The following PTER variants were observed in gnomAD, a reference collection of about 807,000 sequenced individuals.
PTER encodes the protein phosphotriesterase related, also known as N-acetyltaurine hydrolase.
A neutral mutation model predicts 29.6 loss-of-function variants in PTER; 38 were observed. That is an observed-to-expected ratio of 1.28 (90% CI 0.99 to 1.68). PTER has a LOEUF of 1.68. Among genes scored for constraint, PTER ranks in the 40% most tolerant of loss-of-function variants. The pLI is 0.00. For synonymous variants in PTER, 172 were observed against 154.5 expected, an observed-to-expected ratio of 1.11 and a Z score of -0.84; for missense variants, 482 against 427.8, an observed-to-expected ratio of 1.13 and a Z score of -1.12.
rs186469689 is a variant in PTER at position 16,449,865 on chromosome 10, A to C, written c.-49+12818A>C. On this transcript the variant is annotated intron_variant, in intron 1 of 4. Transcript: ENST00000535784. ...CCCTTGGATCCCTTCCTCTACCTTA[A>C]ACCAAGGGAAATCAGGCATTTCTAG... 2.0e-3 allele frequency among the ~76,000 whole-genome samples: 304 copies of C among 152,238 alleles called. 6 individuals are homozygous for C. Among genetic ancestry groups the C allele is most frequent in the Non-Finnish European group, 4.1e-4 (28 of 68,020 alleles).
intron 4 of PTER, among the ~76,000 whole-genome samples, chr10:16,508,261 G>A (rs533492680): frequency 7.4e-4 from 112 of 151,904 alleles, no homozygotes; most frequent in Middle Eastern, 3.4e-3. Context: ...GTAGAGACGG[G>A]GTTTCACCGT....
At chr10:16,449,787 G>A (rs1048245763) in intron 1 of PTER, among the ~76,000 whole-genome samples, 1 of 152,202 alleles carries the variant, frequency 6.6e-6, no homozygotes, top group East Asian at 1.9e-4. Context: ...CTCCCAGCTG[G>A]GATGGGTAGG....
At chr10:16,462,358 T>C (rs1433541725) in intron 1 of PTER, among the ~76,000 whole-genome samples, 4 of 152,208 alleles carry the variant, frequency 2.6e-5, no homozygotes, top group Non-Finnish European at 5.9e-5. Flanking sequence ...GTTTACTTCC[T>C]TTATTTATTT....
At chr10:16,463,675 C>G (rs889543345) in intron 1 of PTER, among the ~76,000 whole-genome samples, 1 of 152,212 alleles carries the variant, frequency 6.6e-6, no homozygotes, top group Non-Finnish European at 1.5e-5. Flanking sequence ...CTCGGCTTCC[C>G]AAACTGCTGG....
chr10:16,515,915 TTTATCACTTGGCAAAATGAGAGAAA>T (rs1255358268), downstream of PTER, among the ~76,000 whole-genome samples: 1 of 152,188 alleles, frequency 6.6e-6, no homozygotes, highest in Non-Finnish European at 1.5e-5. Context: ...TATGCTGGAT[TTTATCACTTGGCAAAATGAGAGAAA>T]TGAGACAGAA....
chr10:16,461,001 GC>G (rs1834593698), intron 1 of PTER, among the ~76,000 whole-genome samples: 1 of 152,176 alleles, frequency 6.6e-6, no homozygotes, highest in Non-Finnish European at 1.5e-5. Context: ...ATAGGCATGA[GC>G]CACCGCACCT....
chr10:16,462,763 G>A (rs1297116452), intron 1 of PTER, among the ~76,000 whole-genome samples: 1 of 151,474 alleles, frequency 6.6e-6, no homozygotes, highest in African/African-American at 2.4e-5. Flanking sequence ...TAGAGACGGG[G>A]TTTCACCATG....
At chr10:16,447,897 C>T (rs758716092) in intron 1 of PTER, among the ~76,000 whole-genome samples, 10 of 152,172 alleles carry the variant, frequency 6.6e-5, no homozygotes, top group Non-Finnish European at 1.3e-4. Flanking sequence ...ATTTGAGCCA[C>T]TTCCTCACAT....
At chr10:16,509,041 C>T (rs45601236) in intron 4 of PTER, among the ~76,000 whole-genome samples, 110 of 152,324 alleles carry the variant, frequency 7.2e-4, no homozygotes, top group Non-Finnish European at 1.3e-3. Flanking sequence ...ATATCTCTGC[C>T]TTTTCACACT....
chr10:16,461,328 A>T (rs1056438987), intron 1 of PTER, among the ~76,000 whole-genome samples: 3 of 151,684 alleles, frequency 2.0e-5, no homozygotes, highest in African/African-American at 7.3e-5. Context: ...ATATTTAATT[A>T]CATATATAAT....
Position 16,448,769 on chromosome 10 carries a change from C to T in PTER, c.-49+11722C>T, listed in dbSNP as rs1184312912. On this transcript the variant is annotated intron_variant, in intron 1 of 4. Coordinates refer to ENST00000535784, the MANE Select transcript of PTER (RefSeq NM_001261836.2). ...TCTGAACAAGATTATGACACAAAGC[C>T]AGAGAGATGATATACCCTTAAGGTA... is the stretch of plus-strand genomic sequence containing the variant. Among the ~76,000 whole-genome samples, 11 of 152,138 alleles carry T rather than the reference C, an allele frequency of 7.2e-5. No homozygotes were observed. The East Asian group carries it at 2.1e-3, about 29-fold the overall frequency.
chr10:16,495,630 G>A (rs1836066247), intron 3 of PTER, among the ~76,000 whole-genome samples: 1 of 152,102 alleles, frequency 6.6e-6, no homozygotes, highest in Non-Finnish European at 1.5e-5. Flanking sequence ...ATCAGGGAAT[G>A]CAATTTATGA....
chr10:16,486,318 C>T, intron 2 of PTER, 34 bp from the exon 3 acceptor site: 1 of 1,560,286 alleles, frequency 6.4e-7, no homozygotes, highest in African/African-American at 1.4e-5. Flanking sequence ...AATTTCACAA[C>T]CTATAAAATA....
chr10:16,485,894 A>C (rs1318914562), intron 2 of PTER, among the ~76,000 whole-genome samples: 2 of 152,172 alleles, frequency 1.3e-5, no homozygotes, highest in African/African-American at 4.8e-5. Flanking sequence ...AGGAGTTCCA[A>C]GTCCAGCCTG....
chr10:16,479,540 G>A (rs988794473), intron 1 of PTER, among the ~76,000 whole-genome samples: 11 of 152,106 alleles, frequency 7.2e-5, no homozygotes. Flanking sequence ...AAATGTCAGT[G>A]TTAAGTGCAG....
chr10:16,469,018 A>G (rs1352077262), intron 1 of PTER, among the ~76,000 whole-genome samples: 2 of 152,096 alleles, frequency 1.3e-5, no homozygotes. Context: ...GAAGTGCATT[A>G]TTAAGGTGAA....
chr10:16,479,425 C>T (rs1345724098), intron 1 of PTER, among the ~76,000 whole-genome samples: 6 of 151,286 alleles, frequency 4.0e-5, no homozygotes, highest in Admixed American at 4.0e-4. Flanking sequence ...CAGGCTGCTT[C>T]AAAGAAGATA....
At chr10:16,479,729 C>G (rs1356709681) in intron 1 of PTER, among the ~76,000 whole-genome samples, 1 of 149,400 alleles carries the variant, frequency 6.7e-6, no homozygotes, top group African/African-American at 2.5e-5. Context: ...CTTCTGGTTT[C>G]TTGCCATCTA....
At chr10:16,443,602 T>C (rs765062348) in intron 1 of PTER, among the ~76,000 whole-genome samples, 3 of 152,226 alleles carry the variant, frequency 2.0e-5, no homozygotes, top group Non-Finnish European at 4.4e-5. Context: ...CTCGTGACTT[T>C]AAACATTTAT....
Sources: allele counts gnomAD v4.1 joint callset (sites outside exome capture counted in the v4.1 genomes callset), GRCh38; gene constraint gnomAD v4.1.1; transcripts MANE v1.5; gene names NCBI Gene and HGNC (gene_info 2026-07-23, HGNC 2026-07-21).